Variants in NIPA2 observed in about 807,000 individuals in gnomAD.
NIPA2 encodes the protein NIPA magnesium transporter 2, also known as magnesium transporter NIPA2.
NIPA2 carries 11 observed loss-of-function variants against 29.7 expected under a neutral mutation model. The observed-to-expected ratio is 0.37, with a 90% CI of 0.23 to 0.61. NIPA2 has a LOEUF of 0.61. Ranked by LOEUF, NIPA2 falls within the 20% of genes least tolerant of loss-of-function variation. The pLI is 0.66. For synonymous variants in NIPA2, 183 were observed against 161.9 expected (o/e 1.13, Z -0.99); for missense variants, 426 against 437.9 (o/e 0.97, Z 0.24).
At chr15:22,861,879 C>T (rs111339786) in intron 7 of NIPA2, among the ~76,000 whole-genome samples, 36 of 152,084 alleles carry the variant, frequency 2.4e-4, no homozygotes, top group Non-Finnish European at 4.3e-4. Flanking sequence ...GGACTGCAGG[C>T]GTGTGCCACC....
At chr15:22,843,655 T>G (rs776939357) in intron 2 of NIPA2, among the ~76,000 whole-genome samples, 1 of 144,530 alleles carries the variant, frequency 6.9e-6, no homozygotes, top group Non-Finnish European at 1.5e-5. Flanking sequence ...TTCAATTTTT[T>G]CCTTTTTTTT....
chr15:22,846,858 TTAA>T, intron 3 of NIPA2, among the ~76,000 whole-genome samples: 1 of 146,978 alleles, frequency 6.8e-6, no homozygotes, highest in African/African-American at 2.5e-5. Context: ...TTATTATTAT[TTAA>T]ATTTGGATTT....
chr15:22,862,049 C>CTCTTTTTTTTTTTTTTTTT (rs1555387456), intron 7 of NIPA2, among the ~76,000 whole-genome samples: 1 of 103,978 alleles, frequency 9.6e-6, no homozygotes, highest in African/African-American at 3.8e-5. Flanking sequence ...ATGGGTCTCT[C>CTCTTTTTTTTTTTTTTTTT]TTTTTTTTTT....
At chr15:22,846,840 A>AATAATT (rs1555380236) in intron 3 of NIPA2, among the ~76,000 whole-genome samples, 20,143 of 134,618 alleles carry the variant, frequency 0.15, 1,804 homozygotes, top group East Asian at 0.34. Flanking sequence ...TAATAATAAT[A>AATAATT]ATTATTATTA....
chr15:22,848,050 G>A (rs941153109), intron 3 of NIPA2, among the ~76,000 whole-genome samples: 3 of 151,880 alleles, frequency 2.0e-5, no homozygotes, highest in Non-Finnish European at 4.4e-5. Flanking sequence ...CGCCCACCTC[G>A]GCCTCCCAAA....
intron 2 of NIPA2, among the ~76,000 whole-genome samples, chr15:22,841,303 C>T (rs1427394450): frequency 6.6e-6 from 1 of 152,164 alleles, no homozygotes; most frequent in East Asian, 1.9e-4. Flanking sequence ...TAAATACACC[C>T]CTCAGACTAG....
At chr15:22,851,396 T>A (rs7180477) in intron 3 of NIPA2, among the ~76,000 whole-genome samples, 11 of 152,090 alleles carry the variant, frequency 7.2e-5, no homozygotes, top group Middle Eastern at 3.4e-3. Context: ...CATTTTTTTT[T>A]AAAATATGGG....
At chr15:22,840,747 G>T (rs957269981) in intron 2 of NIPA2, among the ~76,000 whole-genome samples, 9 of 152,170 alleles carry the variant, frequency 5.9e-5, no homozygotes, top group Admixed American at 5.2e-4. Context: ...GCGTAGAAGA[G>T]AAATGAGTAG....
chr15:22,856,560 CAA>C (rs778530029), intron 5 of NIPA2, among the ~76,000 whole-genome samples: 5 of 151,780 alleles, frequency 3.3e-5, no homozygotes, highest in Non-Finnish European at 5.9e-5. Context: ...AAGAGTTTAA[CAA>C]GAGAAGAAAA....
At position 22,848,825 on chromosome 15, in the gene NIPA2, C is replaced by CAAAAAAAA. The variant is rs35853443; in HGVS notation, c.-93-2795_-93-2788dup. 6.0e-5 allele frequency among the ~76,000 whole-genome samples: 4 copies of CAAAAAAAA among 66,712 alleles called. 1 individual carries two copies. The highest frequency in any genetic ancestry group is 1.1e-4 in the Non-Finnish European group (4 of 37,928). 43.8% of individuals were successfully genotyped at this position (66,712 alleles called of 152,430 possible). A position where few individuals can be genotyped will look rare whatever the true frequency, so the allele number is the denominator to read the frequency against. On this transcript the variant is annotated intron_variant, in intron 3 of 7. Transcript: ENST00000337451. ...GGGTGACAGAGCAAGACTCTTGTCT[C>CAAAAAAAA]AAAAAAAAAAAAAAAAAAAAAAAAA...
chr15:22,846,834 A>AATT (rs1206680127), intron 3 of NIPA2, among the ~76,000 whole-genome samples: 25 of 101,492 alleles, frequency 2.5e-4, no homozygotes, highest in African/African-American at 9.6e-4. Flanking sequence ...TAATAATAAT[A>AATT]ATAATAATTA....
intron 7 of NIPA2, among the ~76,000 whole-genome samples, chr15:22,862,898 C>CTTTTTTTTTT (rs59317671): frequency 8.2e-5 from 9 of 110,276 alleles, no homozygotes; most frequent in African/African-American, 1.8e-4. Flanking sequence ...TGCCTTTATT[C>CTTTTTTTTTT]TTTTTTTTTT....
intron 7 of NIPA2, among the ~76,000 whole-genome samples, chr15:22,865,643 A>G (rs1245243637): frequency 1.3e-5 from 2 of 152,110 alleles, no homozygotes; most frequent in African/African-American, 4.8e-5. Context: ...GCTGAGAAAA[A>G]TGCCTGGCCC....
At chr15:22,864,192 G>A (rs942989592) in intron 7 of NIPA2, among the ~76,000 whole-genome samples, 2 of 152,026 alleles carry the variant, frequency 1.3e-5, no homozygotes, top group Non-Finnish European at 2.9e-5. Context: ...GTCTTGCTCT[G>A]TTGCCCAGGC....
chr15:22,841,980 C>A (rs1280320886), intron 2 of NIPA2, among the ~76,000 whole-genome samples: 1 of 152,186 alleles, frequency 6.6e-6, no homozygotes, highest in African/African-American at 2.4e-5. Context: ...AGTGTTACTG[C>A]TCAGCAAGGC....
At chr15:22,849,958 A>G (rs1024470971) in intron 3 of NIPA2, among the ~76,000 whole-genome samples, 1 of 152,098 alleles carries the variant, frequency 6.6e-6, no homozygotes, top group Non-Finnish European at 1.5e-5. Flanking sequence ...CCTTTTGAGC[A>G]CTAAAGGTTG....
chr15:22,853,226 G>C lies in NIPA2; in HGVS notation c.154G>C (p.Ala52Pro). Residue 52 changes from alanine (A) to proline (P), a missense_variant, in exon 5 of 8, where the codon GCA becomes CCA. Ala to Pro is a conservative substitution (Grantham distance 27). This residue lies in a region of NIPA2 where 57 missense variants were observed against 66.6 expected (regional missense o/e 0.86). Transcript: ENST00000337451. ...GSMRAGQGGH[A>P]YLKEWLWWAG... The stretch of plus-strand genomic sequence containing the variant: ...TTCATTCACAGGTCAAGGTGGCCAT[G>C]CATATCTTAAGGAATGGTTGTGGTG... 6.2e-7 allele frequency: 1 copy of C among 1,609,930 alleles called. No individual in the cohort carries two copies. Among genetic ancestry groups the C allele is most frequent in the Non-Finnish European group, 8.5e-7 (1 of 1,176,470 alleles).
At position 22,858,388 on chromosome 15, in the gene NIPA2, C is replaced by T. The variant is rs544179929; in HGVS notation, c.197-152C>T. ...CAGCCTGGGCGACAGAGTGAGACTC[C>T]GTCTCAAAAAAATAAAAATAATAAA... is the stretch of plus-strand genomic sequence containing the variant. On this transcript the variant is annotated intron_variant, in intron 5 of 7. Transcript: ENST00000337451. 8.4e-4 allele frequency: 390 copies of T among 466,646 alleles called. 13 individuals carry two copies. In the South Asian group the frequency reaches 8.5e-3, roughly 10 times the overall value. 28.9% of individuals were successfully genotyped at this position (466,646 alleles called of 1,614,324 possible). A position where few individuals can be genotyped will look rare whatever the true frequency, so the allele number is the denominator to read the frequency against.
At chr15:22,851,915 C>T (rs1363994197) in intron 4 of NIPA2, 45 bp downstream of exon 4, 1 of 1,534,366 alleles carries the variant, frequency 6.5e-7, no homozygotes, top group East Asian at 2.3e-5. Context: ...CAGTGTCTAC[C>T]TACATGCACA....
Sources: gnomAD v4.1 joint callset for allele counts (sites outside exome capture counted in the v4.1 genomes callset) on GRCh38, gnomAD v4.1.1 for gene constraint, gnomAD v4.1.1 regional missense constraint, MANE v1.5 for transcripts, NCBI Gene and HGNC (gene_info 2026-07-23, HGNC 2026-07-21) for gene names.